The following MORF4L1 variants were observed in gnomAD, a reference collection of about 807,000 sequenced individuals.
MORF4L1 encodes the protein mortality factor 4 like 1.
In MORF4L1, 4 loss-of-function variants were observed where a neutral mutation model predicts 52.9. The observed-to-expected ratio is 0.08, with a 90% CI of 0.04 to 0.17. MORF4L1 has a LOEUF of 0.17. MORF4L1 is among the 10% of genes least tolerant of loss of function. The pLI is 1.00. For missense variants in MORF4L1, 214 were observed against 390.4 expected, an observed-to-expected ratio of 0.55 and a Z score of 3.81; for synonymous variants, 123 against 134.8, an observed-to-expected ratio of 0.91 and a Z score of 0.61.
At chr15:78,879,479 C>T (rs1180107348) in intron 2 of MORF4L1, among the ~76,000 whole-genome samples, 1 of 152,012 alleles carries the variant, frequency 6.6e-6, no homozygotes, top group African/African-American at 2.4e-5. Flanking sequence ...CTCGGCCTCC[C>T]AAAGTGTTGG....
chr15:78,885,069 C>T (rs746074210), intron 3 of MORF4L1: 26 of 1,611,072 alleles, frequency 1.6e-5, no homozygotes, highest in Non-Finnish European at 2.0e-5. Flanking sequence ...TACACCACCC[C>T]CTCCTGACCT....
At chr15:78,878,360 A>G (rs2056534789) in intron 2 of MORF4L1, 101 bp downstream of exon 2, 4 of 1,024,874 alleles carry the variant, frequency 3.9e-6, no homozygotes, top group Non-Finnish European at 4.2e-6. Flanking sequence ...TCAGTAAGAG[A>G]GTTGCCTTTT....
At chr15:78,894,525 A>G (rs2056853272) in intron 10 of MORF4L1, 2 of 375,866 alleles carry the variant, frequency 5.3e-6, no homozygotes, top group Non-Finnish European at 9.6e-6. Context: ...CTCCTGCCTC[A>G]GCCTCCCAAG....
chr15:78,879,062 C>T (rs1341547006), intron 2 of MORF4L1, among the ~76,000 whole-genome samples: 1 of 151,606 alleles, frequency 6.6e-6, no homozygotes, highest in Non-Finnish European at 1.5e-5. Context: ...TCTAAATACA[C>T]AGAAGTGTAT....
At chr15:78,880,020 C>T (rs1390531219) in intron 2 of MORF4L1, among the ~76,000 whole-genome samples, 1 of 152,156 alleles carries the variant, frequency 6.6e-6, no homozygotes, top group Non-Finnish European at 1.5e-5. Flanking sequence ...AATGACTTGC[C>T]TCTAGTAATT....
chr15:78,876,052 C>T (rs1357735386), intron 1 of MORF4L1, among the ~76,000 whole-genome samples: 1 of 151,908 alleles, frequency 6.6e-6, no homozygotes, highest in Non-Finnish European at 1.5e-5. Context: ...ATTCACCTGC[C>T]TCAGCCTCCT....
chr15:78,883,402 T>C (rs2056638161), intron 3 of MORF4L1, among the ~76,000 whole-genome samples: 1 of 152,224 alleles, frequency 6.6e-6, no homozygotes, highest in African/African-American at 2.4e-5. Context: ...ATTGCACACA[T>C]AGATGTGTAC....
chr15:78,874,583 C>CTTTTTTTTTTTTTTTTTTTT (rs56665378), intron 1 of MORF4L1, among the ~76,000 whole-genome samples: 3 of 112,190 alleles, frequency 2.7e-5, no homozygotes, highest in African/African-American at 6.9e-5. Context: ...CTTTTTCTTT[C>CTTTTTTTTTTTTTTTTTTTT]TTTTTTTTTT....
chr15:78,875,954 T>G (rs549795508), intron 1 of MORF4L1, among the ~76,000 whole-genome samples: 12 of 143,946 alleles, frequency 8.3e-5, no homozygotes, highest in African/African-American at 3.6e-4. Context: ...GTTTTTTTCT[T>G]TTTGAGACAG....
At chr15:78,893,471 A>G (rs1431245983) in intron 8 of MORF4L1, 68 bp from the exon 9 acceptor site, 1 of 1,036,778 alleles carries the variant, frequency 9.6e-7, no homozygotes, top group African/African-American at 1.6e-5. Context: ...TTGTATAAAA[A>G]CTTGCCTGGT....
intron 10 of MORF4L1, 25 bp from the exon 11 acceptor site, chr15:78,894,795 T>A: frequency 6.4e-7 from 1 of 1,567,812 alleles, no homozygotes; most frequent in Non-Finnish European, 8.8e-7. Flanking sequence ...GATGTAACTT[T>A]GGATAAATTC....
At chr15:78,890,775 C>T in intron 5 of MORF4L1, 1 of 353,682 alleles carries the variant, frequency 2.8e-6, no homozygotes, top group Non-Finnish European at 4.6e-6. Context: ...TGCCACTGCG[C>T]CTGGCTTGGT....
intron 5 of MORF4L1, among the ~76,000 whole-genome samples, chr15:78,889,295 A>G (rs1163618982): frequency 6.6e-6 from 1 of 152,202 alleles, no homozygotes; most frequent in Non-Finnish European, 1.5e-5. Flanking sequence ...TATGGGTTGA[A>G]TATCCCTTAT....
Position 78,897,648 on chromosome 15 carries a change from G to C in MORF4L1, c.*581G>C, listed in dbSNP as rs540142245. 2 of 152,778 alleles carry C rather than the reference G, an allele frequency of 1.3e-5. No homozygotes were observed. The highest frequency in any genetic ancestry group is 3.9e-4 in the East Asian group (2 of 5,188). The allele number at this position is 152,778 out of a possible 1,614,324, so 9.5% of individuals were successfully genotyped here. A position where few individuals can be genotyped will look rare whatever the true frequency, so the allele number is the denominator to read the frequency against. On this transcript the variant is annotated 3_prime_UTR_variant, in exon 12 of 12. Coordinates refer to ENST00000426013, the MANE Select transcript of MORF4L1 (RefSeq NM_006791.4). ...CACGTTTTAACATGATAGACGCAAT[G>C]CATTGTGTAGCTAGTTTTCTGGAAA...
chr15:78,873,380 G>A (rs1436650693), intron 1 of MORF4L1, among the ~76,000 whole-genome samples: 1 of 151,720 alleles, frequency 6.6e-6, no homozygotes, highest in Non-Finnish European at 1.5e-5. Flanking sequence ...GGCGACGGGA[G>A]CGCCATGGCG....
At position 78,897,509 on chromosome 15, in the gene MORF4L1, A is replaced by G. The variant is rs1423317669; in HGVS notation, c.*442A>G. The G allele has an allele frequency of 6.5e-6, 1 of 153,858 alleles. No individual in the cohort carries two copies. Among genetic ancestry groups the G allele is most frequent in the East Asian group, 1.9e-4 (1 of 5,260 alleles). The allele number at this position is 153,858 out of a possible 1,614,324, so 9.5% of individuals were successfully genotyped here. A position where few individuals can be genotyped will look rare whatever the true frequency, so the allele number is the denominator to read the frequency against. ...TTTTGTTTTTTTTTATGGTGCTTAAAGTAAAGAGCCCATCCTTTGCAAGTC... is the reference window on the plus strand; with the variant it reads ...TTTTGTTTTTTTTTATGGTGCTTAAGGTAAAGAGCCCATCCTTTGCAAGTC... On this transcript the variant is annotated 3_prime_UTR_variant, in exon 12 of 12. Coordinates refer to ENST00000426013, the MANE Select transcript of MORF4L1 (RefSeq NM_006791.4).
At chr15:78,883,829 A>G (rs975760626) in intron 3 of MORF4L1, among the ~76,000 whole-genome samples, 17 of 152,144 alleles carry the variant, frequency 1.1e-4, no homozygotes, top group African/African-American at 3.9e-4. Context: ...TCAGATACCT[A>G]GTGTGTTGTG....
intron 1 of MORF4L1, among the ~76,000 whole-genome samples, chr15:78,876,006 C>T (rs926314693): frequency 6.6e-6 from 1 of 151,812 alleles, no homozygotes; most frequent in Non-Finnish European, 1.5e-5. Flanking sequence ...GGCGCGATCT[C>T]GGGTCACTGC....
At chr15:78,876,060 C>G (rs2056482882) in intron 1 of MORF4L1, among the ~76,000 whole-genome samples, 1 of 151,884 alleles carries the variant, frequency 6.6e-6, no homozygotes, top group South Asian at 2.1e-4. Flanking sequence ...GCCTCAGCCT[C>G]CTGAGTAGCT....
Sources: allele counts gnomAD v4.1 joint callset (sites outside exome capture counted in the v4.1 genomes callset), GRCh38; gene constraint gnomAD v4.1.1; transcripts MANE v1.5; gene names NCBI Gene and HGNC (gene_info 2026-07-23, HGNC 2026-07-21).